The following AGBL1 variants were observed in gnomAD, a reference collection of about 807,000 sequenced individuals.
AGBL1 encodes the protein cytosolic carboxypeptidase 4.
Under a neutral mutation model 118.9 loss-of-function variants are expected in AGBL1, and 130 were observed. The observed-to-expected ratio is 1.09, with a 90% CI of 0.95 to 1.26. The LOEUF is 1.26. AGBL1 is among the 50% of genes most tolerant of loss of function. The pLI, the probability that AGBL1 is intolerant of heterozygous loss-of-function variation, is 0.00. For synonymous variants in AGBL1, 555 were observed against 478.9 expected, an observed-to-expected ratio of 1.16 and a Z score of -2.08; for missense variants, 1,584 against 1,298.1, an observed-to-expected ratio of 1.22 and a Z score of -3.38.
intron 18 of AGBL1, among the ~76,000 whole-genome samples, chr15:86,508,219 A>G (rs2346703): frequency 0.43 from 65,521 of 151,516 alleles, 15,220 homozygotes; most frequent in East Asian, 0.68. Context: ...ACTGTGCCCC[A>G]CCTGTGATTT....
At chr15:86,285,501 A>G (rs1387724164) in intron 16 of AGBL1, among the ~76,000 whole-genome samples, 1 of 152,034 alleles carries the variant, frequency 6.6e-6, no homozygotes, top group Non-Finnish European at 1.5e-5. Context: ...TATAAAGAGG[A>G]ATTCCCTTGC....
intron 1 of AGBL1, among the ~76,000 whole-genome samples, chr15:86,113,343 A>T (rs112961725): frequency 0.026 from 3,434 of 133,440 alleles, 154 homozygotes; most frequent in African/African-American, 0.092. Flanking sequence ...GCTGGAGTGC[A>T]GTGGCACGAT....
intron 18 of AGBL1, among the ~76,000 whole-genome samples, chr15:86,498,859 T>C (rs950065059): frequency 3.9e-5 from 6 of 152,042 alleles, no homozygotes; most frequent in South Asian, 2.1e-4. Flanking sequence ...ACTTGCCAAT[T>C]GCCAAAGTAC....
At chr15:86,995,903 A>C (rs1385558720) in intron 24 of AGBL1, among the ~76,000 whole-genome samples, 1 of 152,154 alleles carries the variant, frequency 6.6e-6, no homozygotes, top group Non-Finnish European at 1.5e-5. Flanking sequence ...TCCGGGTTCT[A>C]ATTTTATGAC....
intron 1 of AGBL1, among the ~76,000 whole-genome samples, chr15:86,117,250 C>T (rs1897822327): frequency 6.6e-6 from 1 of 152,054 alleles, no homozygotes; most frequent in African/African-American, 2.4e-5. Flanking sequence ...GCTGGGAATC[C>T]CCGCTAAAAT....
intron 22 of AGBL1, among the ~76,000 whole-genome samples, chr15:86,835,544 A>T (rs1323146409): frequency 1.3e-5 from 2 of 152,040 alleles, no homozygotes; most frequent in African/African-American, 4.8e-5. Flanking sequence ...TCTATAAGAG[A>T]TGTCTATGGT....
intron 17 of AGBL1, among the ~76,000 whole-genome samples, chr15:86,321,330 T>C (rs2080101827): frequency 6.6e-6 from 1 of 152,180 alleles, no homozygotes; most frequent in Non-Finnish European, 1.5e-5. Flanking sequence ...GTTTGACAAG[T>C]TGTCCTTATT....
intron 6 of AGBL1, among the ~76,000 whole-genome samples, chr15:86,240,322 G>A (rs901938115): frequency 1.3e-5 from 2 of 152,156 alleles, no homozygotes; most frequent in Non-Finnish European, 2.9e-5. Flanking sequence ...ATATGATTTA[G>A]AATACTTAGT....
chr15:86,622,349 G>T (rs1401819350), intron 21 of AGBL1, among the ~76,000 whole-genome samples: 2 of 150,996 alleles, frequency 1.3e-5, no homozygotes, highest in African/African-American at 4.9e-5. Context: ...AAAAAAAGGG[G>T]GTAGGGGGTC....
At chr15:86,383,309 C>T (rs1030018230) in intron 17 of AGBL1, among the ~76,000 whole-genome samples, 1 of 149,360 alleles carries the variant, frequency 6.7e-6, no homozygotes, top group African/African-American at 2.5e-5. Flanking sequence ...TTCACTGGGC[C>T]GGGCGCAGTG....
At chr15:86,420,243 T>A (rs2081768285) in intron 18 of AGBL1, among the ~76,000 whole-genome samples, 1 of 152,122 alleles carries the variant, frequency 6.6e-6, no homozygotes. Context: ...TGAGTGCCCT[T>A]CTAGGATGAA....
At chr15:86,689,128 A>G (rs2086115368) in intron 22 of AGBL1, among the ~76,000 whole-genome samples, 1 of 152,120 alleles carries the variant, frequency 6.6e-6, no homozygotes, top group Admixed American at 6.6e-5. Flanking sequence ...TGTTTCTCTA[A>G]CAGCCTGAGA....
At chr15:86,201,213 T>C (rs935746308) in intron 5 of AGBL1, among the ~76,000 whole-genome samples, 2 of 152,208 alleles carry the variant, frequency 1.3e-5, no homozygotes, top group African/African-American at 4.8e-5. Flanking sequence ...TGTGTACTTA[T>C]CTATAGATCA....
rs79861449 is a variant in AGBL1, at chr15:86,757,260, C to T, written c.3158+82824C>T. 2.2e-3 allele frequency among the ~76,000 whole-genome samples: 339 copies of T among 152,190 alleles called. 1 individual carries two copies. Among genetic ancestry groups the T allele is most frequent in the African/African-American group, 7.8e-3 (326 of 41,568 alleles). Reference sequence around the variant, plus strand: ...TGTTGCTATTACTGCTGAATCTGAGCAGCCAGAGTGTGTCAAAGGTTTCTC... The same window carrying T: ...TGTTGCTATTACTGCTGAATCTGAGTAGCCAGAGTGTGTCAAAGGTTTCTC... On this transcript the variant is annotated intron_variant, in intron 22 of 22. Coordinates refer to ENST00000614907, the MANE Select transcript of AGBL1 (RefSeq NM_001386094.1).
intron 22 of AGBL1, among the ~76,000 whole-genome samples, chr15:86,820,859 T>C (rs2078932546): frequency 6.6e-6 from 1 of 152,232 alleles, no homozygotes; most frequent in African/African-American, 2.4e-5. Flanking sequence ...TAAATCATTC[T>C]ACTTTAAAGA....
intron 22 of AGBL1, among the ~76,000 whole-genome samples, chr15:86,796,701 A>G (rs938008824): frequency 1.3e-5 from 2 of 152,214 alleles, no homozygotes; most frequent in African/African-American, 4.8e-5. Context: ...ATAAAACATT[A>G]TTAGAACATA....
intron 21 of AGBL1, among the ~76,000 whole-genome samples, chr15:86,641,988 T>C (rs1033548568): frequency 8.5e-5 from 13 of 152,184 alleles, no homozygotes; most frequent in African/African-American, 3.1e-4. Flanking sequence ...TATTATGTGA[T>C]TGCTACCTTG....
intron 5 of AGBL1, among the ~76,000 whole-genome samples, chr15:86,188,133 C>G (rs8042880): frequency 2.0e-5 from 3 of 151,924 alleles, no homozygotes; most frequent in East Asian, 1.9e-4. Context: ...TTCTGTGAAT[C>G]TTCTGTGAAA....
At chr15:86,411,678 CTT>C (rs2081623335) in intron 18 of AGBL1, among the ~76,000 whole-genome samples, 2 of 152,154 alleles carry the variant, frequency 1.3e-5, no homozygotes, top group South Asian at 4.1e-4. Context: ...GCCCCCTACC[CTT>C]CCCTCTGGTC....
Sources: gnomAD v4.1 joint callset for allele counts (sites outside exome capture counted in the v4.1 genomes callset) on GRCh38, gnomAD v4.1.1 for gene constraint, MANE v1.5 for transcripts, NCBI Gene and HGNC (gene_info 2026-07-23, HGNC 2026-07-21) for gene names.